SLC35F4: variants seen among roughly 807,000 people sequenced by gnomAD.
SLC35F4 encodes solute carrier family 35 member F4.
SLC35F4 carries 24 observed loss-of-function variants against 44.2 expected under a neutral mutation model. The observed-to-expected ratio is 0.54, with a 90% confidence interval of 0.39 to 0.76. The LOEUF (loss-of-function observed/expected upper bound fraction) is 0.76. Ranked by LOEUF, SLC35F4 falls within the 30% of genes least tolerant of loss-of-function variation. SLC35F4 has a pLI of 0.00. For synonymous variants in SLC35F4, 238 were observed against 223.6 expected, an observed-to-expected ratio of 1.06 and a Z score of -0.57; for missense variants, 562 against 586.1, an observed-to-expected ratio of 0.96 and a Z score of 0.42.
intron 1 of SLC35F4, among the ~76,000 whole-genome samples, chr14:57,650,785 C>T (rs1457144835): frequency 6.6e-6 from 1 of 152,162 alleles, no homozygotes; most frequent in Non-Finnish European, 1.5e-5. Flanking sequence ...AGGTCAGCCT[C>T]ATGGCCCTCC....
intron 1 of SLC35F4, among the ~76,000 whole-genome samples, chr14:57,745,484 T>C (rs7493534): frequency 0.057 from 8,627 of 152,188 alleles, 567 homozygotes; most frequent in African/African-American, 0.15. Context: ...CATGAAAAAA[T>C]GCTCATCATC....
chr14:57,804,239 T>C (rs1566868563), intron 1 of SLC35F4, among the ~76,000 whole-genome samples: 1 of 152,146 alleles, frequency 6.6e-6, no homozygotes, highest in African/African-American at 2.4e-5. Flanking sequence ...AAACTACCAT[T>C]GACATTCTTC....
chr14:57,586,790 A>G (rs1306607648), intron 3 of SLC35F4, among the ~76,000 whole-genome samples: 4 of 151,016 alleles, frequency 2.6e-5, no homozygotes, highest in African/African-American at 7.3e-5. Flanking sequence ...AACAAAAGCC[A>G]TAATTGACAG....
At chr14:57,714,230 T>C (rs1308706857) in intron 1 of SLC35F4, among the ~76,000 whole-genome samples, 10 of 152,136 alleles carry the variant, frequency 6.6e-5, no homozygotes, top group Non-Finnish European at 1.3e-4. Context: ...TTCTCCATAA[T>C]TGGTTAAGTC....
At chr14:57,749,236 G>T (rs2076827801) in intron 1 of SLC35F4, among the ~76,000 whole-genome samples, 1 of 151,980 alleles carries the variant, frequency 6.6e-6, no homozygotes, top group Non-Finnish European at 1.5e-5. Context: ...TACTGCTGTT[G>T]TCATCCTTTT....
chr14:57,804,864 A>G (rs1423969279), intron 1 of SLC35F4, among the ~76,000 whole-genome samples: 1 of 152,202 alleles, frequency 6.6e-6, no homozygotes, highest in Non-Finnish European at 1.5e-5. Flanking sequence ...TTTGCAATAT[A>G]TCCGTCTCAC....
chr14:57,693,653 A>C (rs778217056), intron 1 of SLC35F4, among the ~76,000 whole-genome samples: 15 of 152,194 alleles, frequency 9.9e-5, no homozygotes, highest in Non-Finnish European at 1.6e-4. Context: ...ATACGTGGGC[A>C]AATCTCTGTT....
intron 1 of SLC35F4, among the ~76,000 whole-genome samples, chr14:57,777,535 C>T (rs2077517757): frequency 6.6e-6 from 1 of 151,920 alleles, no homozygotes; most frequent in Non-Finnish European, 1.5e-5. Context: ...GGACAGAAAA[C>T]CAAACACTGC....
intron 1 of SLC35F4, among the ~76,000 whole-genome samples, chr14:57,643,638 T>G (rs2073352466): frequency 6.6e-6 from 1 of 152,286 alleles, no homozygotes; most frequent in South Asian, 2.1e-4. Context: ...TTGTTATACT[T>G]TAAGTTTTAG....
intron 1 of SLC35F4, among the ~76,000 whole-genome samples, chr14:57,608,543 G>A (rs2071297457): frequency 6.6e-6 from 1 of 152,062 alleles, no homozygotes; most frequent in Non-Finnish European, 1.5e-5. Context: ...GCAACCCTGT[G>A]GATACCTTGA....
chr14:57,598,891 ATGTGTGTGTG>A (rs34462836), intron 1 of SLC35F4, among the ~76,000 whole-genome samples: 4 of 150,710 alleles, frequency 2.7e-5, no homozygotes, highest in South Asian at 2.1e-4. Flanking sequence ...GTGTGTGTGT[ATGTGTGTGTG>A]TGTGTGTGTG....
intron 1 of SLC35F4, among the ~76,000 whole-genome samples, chr14:57,885,972 G>T (rs1211937855): frequency 6.6e-6 from 1 of 152,128 alleles, no homozygotes; most frequent in East Asian, 1.9e-4. Context: ...TTGAAAAAAA[G>T]GGATCATATA....
intron 1 of SLC35F4, among the ~76,000 whole-genome samples, chr14:57,754,044 C>A (rs1282626366): frequency 6.6e-6 from 1 of 151,754 alleles, no homozygotes; most frequent in Non-Finnish European, 1.5e-5. Flanking sequence ...AGGAAAAGCT[C>A]CTCTAAACAT....
chr14:57,596,682 G>T, intron 1 of SLC35F4: 1 of 824,232 alleles, frequency 1.2e-6, no homozygotes, highest in Non-Finnish European at 1.9e-6. Flanking sequence ...ATTGTCCATA[G>T]TTACCTAAAA....
intron 1 of SLC35F4, among the ~76,000 whole-genome samples, chr14:57,970,732 T>C (rs1881028385): frequency 6.6e-6 from 1 of 152,106 alleles, no homozygotes; most frequent in East Asian, 1.9e-4. Flanking sequence ...ATGACAAAAA[T>C]GTTGGATAGC....
At chr14:57,707,173 G>C (rs922387298) in intron 1 of SLC35F4, among the ~76,000 whole-genome samples, 1 of 152,132 alleles carries the variant, frequency 6.6e-6, no homozygotes, top group Non-Finnish European at 1.5e-5. Context: ...ATCTGATTTG[G>C]GTAGCTGGAT....
chr14:57,748,039 C>T (rs974989068), intron 1 of SLC35F4, among the ~76,000 whole-genome samples: 21 of 152,138 alleles, frequency 1.4e-4, no homozygotes, highest in African/African-American at 4.8e-5. Context: ...TGATGGAGTG[C>T]CTGCACATGG....
intron 1 of SLC35F4, among the ~76,000 whole-genome samples, chr14:57,776,808 T>C (rs966414343): frequency 6.6e-6 from 1 of 152,084 alleles, no homozygotes; most frequent in Non-Finnish European, 1.5e-5. Flanking sequence ...TCAAGATTCT[T>C]AAAGAAAATA....
intron 1 of SLC35F4, among the ~76,000 whole-genome samples, chr14:57,762,945 T>C (rs940938621): frequency 6.6e-6 from 1 of 152,162 alleles, no homozygotes; most frequent in African/African-American, 2.4e-5. Flanking sequence ...GGTTCAGTAA[T>C]ACAAGTAATG....
Sources: gnomAD v4.1 joint callset for allele counts (sites outside exome capture counted in the v4.1 genomes callset) on GRCh38, gnomAD v4.1.1 for gene constraint, MANE v1.5 for transcripts, NCBI Gene and HGNC (gene_info 2026-07-23, HGNC 2026-07-21) for gene names.